The following RPL32 variants were observed in gnomAD, a reference collection of about 807,000 sequenced individuals.
The protein encoded by RPL32 is ribosomal protein L32.
For missense variants in RPL32, 117 were observed against 173.7 expected, an observed-to-expected ratio of 0.67 and a Z score of 1.83; for synonymous variants, 61 against 62.6, an observed-to-expected ratio of 0.98 and a Z score of 0.12.
chr3:12,838,419 C>G (rs561170661), intron 3 of RPL32, among the ~76,000 whole-genome samples: 1 of 152,226 alleles, frequency 6.6e-6, no homozygotes, highest in South Asian at 2.1e-4. Flanking sequence ...AAACAAAAAC[C>G]AATAAAACCC....
In RPL32 at chr3:12,835,963, G is replaced by A. The variant is rs1182423230; in HGVS notation, c.*131C>T. The A allele has an allele frequency of 9.1e-7, 1 of 1,104,776 alleles. No homozygotes were observed. Among genetic ancestry groups the A allele is most frequent in the East Asian group, 2.4e-5 (1 of 41,346 alleles). The allele number at this position is 1,104,776 out of a possible 1,614,324, so 68.4% of individuals were successfully genotyped here. The stretch of plus-strand genomic sequence containing the variant: ...CCCTCCAAATGGGAGATTCCAAAGG[G>A]GCTTAAGCAAAAGAACAATCTCTGT... On this transcript the variant is annotated 3_prime_UTR_variant, in exon 4 of 4. Coordinates refer to ENST00000429711, the MANE Select transcript of RPL32 (RefSeq NM_000994.4).
At chr3:12,840,120 T>C (rs1310122231) in intron 2 of RPL32, 22 bp downstream of exon 2, 3 of 1,583,422 alleles carry the variant, frequency 1.9e-6, no homozygotes, top group East Asian at 4.5e-5. Context: ...CCCACACCCA[T>C]TTCCATCCCA....
chr3:12,838,937 C>T (rs1242707882), intron 3 of RPL32: 1 of 262,746 alleles, frequency 3.8e-6, no homozygotes, highest in Non-Finnish European at 7.4e-6. Flanking sequence ...AGGGCTGTGT[C>T]ACGGGCCATG....
At chr3:12,838,870 T>TA (rs1392489716) in intron 3 of RPL32, among the ~76,000 whole-genome samples, 1 of 152,132 alleles carries the variant, frequency 6.6e-6, no homozygotes, top group African/African-American at 2.4e-5. Context: ...CTCCCTAAAA[T>TA]ATGTAAAACC....
chr3:12,840,073 G>T, intron 2 of RPL32, 69 bp downstream of exon 2: 1 of 1,135,254 alleles, frequency 8.8e-7, no homozygotes, highest in Non-Finnish European at 1.3e-6. Flanking sequence ...ATCCTGACTA[G>T]GTGATGTCAG....
rs1220037974 is a variant in RPL32 at position 12,835,121 on chromosome 3, A to G, written c.*973T>C. The stretch of plus-strand genomic sequence containing the variant: ...TAAGCATTTCTGTCTCATAAGTACC[A>G]CATCCCATATCCCTCATGACCTATA... On this transcript the variant is annotated 3_prime_UTR_variant, in exon 4 of 4. Coordinates refer to ENST00000429711, the MANE Select transcript of RPL32 (RefSeq NM_000994.4). 3 of 152,228 alleles carry G rather than the reference A, an allele frequency of 2.0e-5. No homozygotes were observed. In the East Asian group the frequency reaches 5.8e-4, roughly 29 times the overall value. The allele number at this position is 152,228 out of a possible 1,614,324, so 9.4% of individuals were successfully genotyped here.
At chr3:12,837,925 C>CT (rs1231574293) in intron 3 of RPL32, among the ~76,000 whole-genome samples, 5 of 152,214 alleles carry the variant, frequency 3.3e-5, no homozygotes, top group African/African-American at 1.2e-4. Context: ...CACCAAGTGT[C>CT]TAACTTACTC....
intron 3 of RPL32, chr3:12,838,994 G>A (rs998115058): frequency 2.0e-5 from 7 of 343,350 alleles, no homozygotes; most frequent in Middle Eastern, 9.5e-4. Context: ...ATATTTCAGA[G>A]TTCAACTCTT....
chr3:12,840,378 C>T (rs777729423), intron 1 of RPL32, 136 bp from the exon 2 acceptor site: 1 of 773,414 alleles, frequency 1.3e-6, no homozygotes. Flanking sequence ...GGTGCCTCTG[C>T]CAGGCTTGCT....
Position 12,835,782 on chromosome 3 carries a change from G to C in RPL32, c.*312C>G, listed in dbSNP as rs890171664. The C allele has an allele frequency of 3.8e-6, 1 of 265,288 alleles. No individual in the cohort carries two copies. The allele number at this position is 265,288 out of a possible 1,614,324, so 16.4% of individuals were successfully genotyped here. A position where few individuals can be genotyped will look rare whatever the true frequency, so the allele number is the denominator to read the frequency against. On this transcript the variant is annotated 3_prime_UTR_variant, in exon 4 of 4. Coordinates refer to ENST00000429711, the MANE Select transcript of RPL32 (RefSeq NM_000994.4). Reference sequence around the variant, plus strand: ...GGCTAAGAATGACTACTTGTGGCTTGGGAGCCACAAGCTTCTTCAAGTGTC... The same window carrying C: ...GGCTAAGAATGACTACTTGTGGCTTCGGAGCCACAAGCTTCTTCAAGTGTC...
intron 3 of RPL32, among the ~76,000 whole-genome samples, chr3:12,837,332 C>T (rs1485270256): frequency 2.0e-5 from 3 of 152,212 alleles, no homozygotes; most frequent in Admixed American, 2.0e-4. Context: ...GCTGCAATGA[C>T]TAGCTTTAGT....
chr3:12,837,107 C>T lies in RPL32; in HGVS notation c.279-884G>A, dbSNP rs895765692. ...AAGACTTAGGTTATATTACACTTCT[C>T]ATCTGTCTTTACTTTTCAAAAAACC... is the stretch of plus-strand genomic sequence containing the variant. On this transcript the variant is annotated intron_variant, in intron 3 of 3. Coordinates refer to ENST00000429711, the MANE Select transcript of RPL32 (RefSeq NM_000994.4). Among the ~76,000 whole-genome samples, 8 of 152,340 alleles carry T rather than the reference C, an allele frequency of 5.3e-5. No homozygotes were observed. In the East Asian group the frequency reaches 1.5e-3, roughly 29 times the overall value.
intron 2 of RPL32, among the ~76,000 whole-genome samples, chr3:12,839,929 C>T (rs1207235644): frequency 6.6e-6 from 1 of 152,206 alleles, no homozygotes; most frequent in Non-Finnish European, 1.5e-5. Flanking sequence ...CACATCAAAA[C>T]GGCCAAATGT....
chr3:12,834,791 A>C lies in RPL32; in HGVS notation c.*1303T>G, dbSNP rs1373154660. On this transcript the variant is annotated 3_prime_UTR_variant, in exon 4 of 4. Transcript: ENST00000429711. The stretch of plus-strand genomic sequence containing the variant: ...GTGATATCCCAGGTTAATAAAGATT[A>C]GATTCTAAGTTACTTCTTTCCTCTG... 6.6e-6 allele frequency: 1 copy of C among 152,172 alleles called. No homozygotes were observed. The highest frequency in any genetic ancestry group is 1.9e-4 in the East Asian group (1 of 5,194). The allele number at this position is 152,172 out of a possible 1,614,324, so 9.4% of individuals were successfully genotyped here.
Position 12,840,218 on chromosome 3 carries a change from A to G in RPL32, c.20T>C (p.Leu7Pro). 6.2e-7 allele frequency: 1 copy of G among 1,613,874 alleles called. No individual in the cohort carries two copies. Among genetic ancestry groups the G allele is most frequent in the Non-Finnish European group, 8.5e-7 (1 of 1,179,820 alleles). MAALRP[L>P]VKPKIVKKRT... is the part of the protein sequence containing the mutation. ...CTTTTTGACGATCTTGGGCTTCACA[A>G]GGGGTCTGAGGGCGGCCATGATGCC... Residue 7 changes from leucine (L) to proline (P), a missense_variant, in exon 2 of 4, where the codon CTT becomes CCT. By Grantham distance (98) the Leu-to-Pro change is moderately conservative. Transcript: ENST00000429711.
At chr3:12,839,000 C>T (rs1435748471) in intron 3 of RPL32, 2 of 349,856 alleles carry the variant, frequency 5.7e-6, no homozygotes, top group Non-Finnish European at 1.1e-5. Context: ...CAGAGTTCAA[C>T]TCTTTTGCTT....
rs1202112894 is a variant in RPL32 at position 12,835,922 on chromosome 3, G to A, written c.*172C>T. The A allele has an allele frequency of 2.8e-6, 2 of 719,720 alleles. No homozygotes were observed. Among genetic ancestry groups the A allele is most frequent in the African/African-American group, 3.6e-5 (2 of 56,110 alleles). 44.6% of individuals were successfully genotyped at this position (719,720 alleles called of 1,614,324 possible). On this transcript the variant is annotated 3_prime_UTR_variant, in exon 4 of 4. Coordinates refer to ENST00000429711, the MANE Select transcript of RPL32 (RefSeq NM_000994.4). ...CCACATTCCCCTGTTCAAGGACTGA[G>A]TGTCCTTTACAAATCCCCTCCAAAT...
At chr3:12,837,722 A>C (rs1263392949) in intron 3 of RPL32, among the ~76,000 whole-genome samples, 1 of 152,242 alleles carries the variant, frequency 6.6e-6, no homozygotes, top group Non-Finnish European at 1.5e-5. Context: ...TTATCTTTGT[A>C]AACGTAAACA....
At chr3:12,841,114 A>T (rs1053606586) in intron 1 of RPL32, 3 of 153,250 alleles carry the variant, frequency 2.0e-5, no homozygotes, top group Non-Finnish European at 4.4e-5. Flanking sequence ...GAAGCCGGCC[A>T]TGGCATGAAC....
Sources: gnomAD v4.1 joint callset for allele counts (sites outside exome capture counted in the v4.1 genomes callset) on GRCh38, gnomAD v4.1.1 for gene constraint, MANE v1.5 for transcripts, NCBI Gene and HGNC (gene_info 2026-07-23, HGNC 2026-07-21) for gene names.